Variants in MMP14 observed in about 807,000 individuals in gnomAD.
MMP14 encodes matrix metalloproteinase-14.
In MMP14, 13 loss-of-function variants were observed where a neutral mutation model predicts 64.8. The ratio of observed to expected loss-of-function variants is 0.20; its 90% CI spans 0.13 to 0.32. The LOEUF is 0.32. Among genes scored for constraint, MMP14 ranks in the 10% least tolerant of loss-of-function variants. MMP14 has a pLI of 1.00. For synonymous variants in MMP14, 322 were observed against 315.9 expected, an observed-to-expected ratio of 1.02 and a Z score of -0.20; for missense variants, 594 against 783.8, an observed-to-expected ratio of 0.76 and a Z score of 2.89.
rs766583270 is a variant in MMP14, at chr14:22,844,476, G to A, written c.1117G>A (p.Glu373Lys). The A allele has an allele frequency of 9.9e-6, 16 of 1,613,994 alleles. No homozygotes were observed. The highest frequency in any genetic ancestry group is 4.5e-5 in the East Asian group (2 of 44,882). ...GCCTGCGTCCATCAACACTGCCTAC[G>A]AGAGGAAGGATGGCAAATTCGTCTT... is the stretch of plus-strand genomic sequence containing the variant. ...GLPASINTAY[E>K]RKDGKFVFFK... Residue 373 changes from glutamate to lysine, a missense_variant, in exon 7 of 10, where the codon GAG becomes AAG. Transcript: ENST00000311852.
At chr14:22,839,328 C>T (rs535684255) in intron 1 of MMP14, among the ~76,000 whole-genome samples, 13 of 152,344 alleles carry the variant, frequency 8.5e-5, no homozygotes, top group Non-Finnish European at 1.8e-4. Flanking sequence ...TAGGCACAGG[C>T]CACAGCAGGC....
At chr14:22,844,095 G>C (rs2039793793) in intron 6 of MMP14, among the ~76,000 whole-genome samples, 1 of 152,082 alleles carries the variant, frequency 6.6e-6, no homozygotes, top group Non-Finnish European at 1.5e-5. Context: ...TACCTGGGAG[G>C]CTGAGGCAGG....
chr14:22,845,187 G>C, intron 8 of MMP14, 64 bp from the exon 9 acceptor site: 1 of 1,243,030 alleles, frequency 8.0e-7, no homozygotes, highest in South Asian at 1.2e-5. Flanking sequence ...GATTCGGTCC[G>C]GGTCTTGCGC....
chr14:22,839,749 C>T (rs1005507892), intron 1 of MMP14, among the ~76,000 whole-genome samples: 4 of 152,188 alleles, frequency 2.6e-5, no homozygotes, highest in African/African-American at 9.6e-5. Flanking sequence ...ATGTGGCAAT[C>T]CAATCCTGAT....
rs1176228823 is a variant in MMP14, at chr14:22,846,142, C to T, written c.*103C>T. 5 of 1,130,876 alleles carry T rather than the reference C, an allele frequency of 4.4e-6. No individual in the cohort carries two copies. Among genetic ancestry groups the T allele is most frequent in the East Asian group, 2.6e-5 (1 of 38,202 alleles). 70.1% of individuals were successfully genotyped at this position (1,130,876 alleles called of 1,614,324 possible). A position where few individuals can be genotyped will look rare whatever the true frequency, so the allele number is the denominator to read the frequency against. On this transcript the variant is annotated 3_prime_UTR_variant, in exon 10 of 10. Transcript: ENST00000311852. ...GGCTGTTCCCATCGTCCCGAGCCCCCTCCCCGCAGCCTCCTTGCTTCTCTC... is the reference window on the plus strand; with the variant it reads ...GGCTGTTCCCATCGTCCCGAGCCCCTTCCCCGCAGCCTCCTTGCTTCTCTC...
Position 22,846,015 on chromosome 14 carries a change from G to A in MMP14, c.1725G>A (p.Gln575=). 1 of 1,508,048 alleles carries A rather than the reference G, an allele frequency of 6.6e-7. No homozygotes were observed. The highest frequency in any genetic ancestry group is 8.9e-7 in the Non-Finnish European group (1 of 1,124,844). The allele number at this position is 1,508,048 out of a possible 1,614,324, so 93.4% of individuals were successfully genotyped here. Residue 575 remains glutamine (Q), a synonymous_variant, in exon 10 of 10, where the codon CAG becomes CAA. Transcript: ENST00000311852. ...HGTPRRLLYC[Q]RSLLDKV ...CCCCCAGGCGACTGCTCTACTGCCA[G>A]CGTTCCCTGCTGGACAAGGTCTGAC...
At position 22,843,724 on chromosome 14, in the gene MMP14, T is replaced by C. The variant is rs2039790380; in HGVS notation, c.865T>C (p.Phe289Leu). 2 of 1,590,034 alleles carry C rather than the reference T, an allele frequency of 1.3e-6. No homozygotes were observed. Among genetic ancestry groups the C allele is most frequent in the Non-Finnish European group, 1.7e-6 (2 of 1,173,588 alleles). Residue 289 changes from phenylalanine to leucine, a missense_variant, in exon 6 of 10, where the codon TTC becomes CTC. This residue lies in a region of MMP14 where 364 missense variants were observed against 425.2 expected (regional missense o/e 0.86). Transcript: ENST00000311852. This position sits in a 1 kb window ranked among gnomAD's most constrained non-coding sequence, Gnocchi z 4.8. Reference protein sequence around the residue: ...IQQLYGGESGFPTKMPPQPRT... With the variant: ...IQQLYGGESGLPTKMPPQPRT... ...TTCTGCCCCAGGGGGTGAGTCAGGG[T>C]TCCCCACCAAGATGCCCCCTCAACC...
chr14:22,843,949 A>G lies in MMP14; in HGVS notation c.1011+79A>G. On this transcript the variant is annotated intron_variant, in intron 6 of 9. Transcript: ENST00000311852. This position sits in a 1 kb window ranked among gnomAD's most constrained non-coding sequence, Gnocchi z 4.8. The stretch of plus-strand genomic sequence containing the variant: ...GGTGGCTCATGCCTGTAATCCTAGC[A>G]CTTTGAGAGGCCAAGGCAGGTGGAT... 1.9e-6 allele frequency: 3 copies of G among 1,554,150 alleles called. No homozygotes were observed. Among genetic ancestry groups the G allele is most frequent in the Non-Finnish European group, 2.6e-6 (3 of 1,151,834 alleles).
rs374911087 is a variant in MMP14, at chr14:22,845,843, C to T, written c.1553C>T (p.Thr518Ile). ...CPSGGRPDEG[T>I]EEETEVIIIE... ...TCGGGAGGCCGGCCGGATGAGGGGACTGAGGAGGAGACGGAGGTGATCATC... is the reference window on the plus strand; with the variant it reads ...TCGGGAGGCCGGCCGGATGAGGGGATTGAGGAGGAGACGGAGGTGATCATC... The change falls in exon 10 of 10, where the codon ACT (threonine) becomes ATT (isoleucine). Residue 518 changes from threonine to isoleucine, a missense_variant. By Grantham distance (89) the Thr-to-Ile change is moderately conservative (BLOSUM62 -1). Around this residue, in one of 4 missense-constraint regions of MMP14, gnomAD observed 364 missense variants for 425.2 expected, o/e 0.86. Transcript: ENST00000311852. The T allele has an allele frequency of 1.7e-5, 27 of 1,614,044 alleles. No homozygotes were observed. Among genetic ancestry groups the T allele is most frequent in the Non-Finnish European group, 2.1e-5 (25 of 1,180,046 alleles).
rs17885183 is a variant in MMP14 at position 22,836,774 on chromosome 14, G to C, written c.-44G>C. The C allele has an allele frequency of 3.1e-3, 4,094 of 1,336,282 alleles. 101 individuals are homozygous for C. The African/African-American group carries it at 0.054, about 18-fold the overall frequency. The allele number at this position is 1,336,282 out of a possible 1,614,324, so 82.8% of individuals were successfully genotyped here. On this transcript the variant is annotated 5_prime_UTR_variant, in exon 1 of 10. Transcript: ENST00000311852. The stretch of plus-strand genomic sequence containing the variant: ...GGTGCGACCCCAGGGCGTGGGCCCG[G>C]CCGCGGAGCCCACACTGCCCGGCTG...
chr14:22,846,310 T>C lies in MMP14; in HGVS notation c.*271T>C. On this transcript the variant is annotated 3_prime_UTR_variant, in exon 10 of 10. Transcript: ENST00000311852. ...GCCCCTCAGGGGAACCCTGTAGCTTTGTGTCTGTCCAGCCCCATCTGAATG... is the reference window on the plus strand; with the variant it reads ...GCCCCTCAGGGGAACCCTGTAGCTTCGTGTCTGTCCAGCCCCATCTGAATG... 1 of 481,048 alleles carries C rather than the reference T, an allele frequency of 2.1e-6. No individual in the cohort carries two copies. The allele number at this position is 481,048 out of a possible 1,614,324, so 29.8% of individuals were successfully genotyped here. A position where few individuals can be genotyped will look rare whatever the true frequency, so the allele number is the denominator to read the frequency against.
Position 22,844,386 on chromosome 14 carries a change from C to T in MMP14, c.1027C>T (p.Arg343Trp), listed in dbSNP as rs774971754. ...CGGCTTCCAGGAGCGCTGGTTCTGGCGGGTGAGGAATAACCAAGTGATGGA... is the reference window on the plus strand; with the variant it reads ...CGGCTTCCAGGAGCGCTGGTTCTGGTGGGTGAGGAATAACCAAGTGATGGA... ...MFVFKERWFW[R>W]VRNNQVMDGY... The change falls in exon 7 of 10, where the codon CGG becomes TGG. Residue 343 changes from arginine to tryptophan, a missense_variant. Transcript: ENST00000311852. 5.1e-5 allele frequency: 83 copies of T among 1,613,914 alleles called. No homozygotes were observed. The highest frequency in any genetic ancestry group is 6.9e-5 in the Non-Finnish European group (81 of 1,180,000).
intron 1 of MMP14, among the ~76,000 whole-genome samples, chr14:22,840,527 G>A (rs75366226): frequency 3.4e-5 from 4 of 118,074 alleles, no homozygotes; most frequent in African/African-American, 1.3e-4. Flanking sequence ...TTTTTTTTTT[G>A]AGACGGAGTC....
Position 22,844,967 on chromosome 14 carries a change from G to A in MMP14, c.1301+187G>A, listed in dbSNP as rs1036416759. Among the ~76,000 whole-genome samples the A allele has an allele frequency of 3.9e-5, 6 of 152,108 alleles. No homozygotes were observed. The East Asian group carries it at 5.8e-4, about 15-fold the overall frequency. On this transcript the variant is annotated intron_variant, in intron 8 of 9. Transcript: ENST00000311852. ...GCACCGTGTGAGTGGGATGTGACCG[G>A]GTCATTCCAGACCTGGTCATTTGGC...
rs371713859 is a variant in MMP14, at chr14:22,845,351, A to G, written c.1402A>G (p.Met468Val). The change falls in exon 9 of 10, where the codon ATG becomes GTG. Residue 468 changes from methionine (M) to valine (V), a missense_variant. Met to Val is a conservative substitution (Grantham distance 21). Coordinates refer to ENST00000311852, the MANE Select transcript of MMP14 (RefSeq NM_004995.4). ...CCCTGAGTCTCCCAGAGGGTCATTCATGGGCAGCGATGAAGGTGAGAGGGG... is the reference window on the plus strand; with the variant it reads ...CCCTGAGTCTCCCAGAGGGTCATTCGTGGGCAGCGATGAAGGTGAGAGGGG... ...GIPESPRGSFMGSDEVFTYFY... is the reference protein window; with the variant it reads ...GIPESPRGSFVGSDEVFTYFY... The G allele has an allele frequency of 6.2e-7, 1 of 1,608,100 alleles. No individual in the cohort carries two copies.
intron 8 of MMP14, 92 bp downstream of exon 8, chr14:22,844,872 C>T: frequency 6.6e-7 from 1 of 1,525,658 alleles, no homozygotes. Flanking sequence ...ACTTTACCCC[C>T]AACATGCTTC....
At chr14:22,844,012 A>G in intron 6 of MMP14, 142 bp downstream of exon 6, 2 of 1,086,454 alleles carry the variant, frequency 1.8e-6, no homozygotes, top group South Asian at 1.5e-5. Flanking sequence ...GCTGGCCAAC[A>G]TAGTGAAACC....
At chr14:22,845,093 C>A (rs1272739138) in intron 8 of MMP14, among the ~76,000 whole-genome samples, 158 bp from the exon 9 acceptor site, 1 of 152,184 alleles carries the variant, frequency 6.6e-6, no homozygotes. Context: ...TCCACCCCCA[C>A]CTTCCGCCGC....
chr14:22,845,491 G>A, intron 9 of MMP14, 125 bp downstream of exon 9: 2 of 863,138 alleles, frequency 2.3e-6, no homozygotes, highest in African/African-American at 1.7e-5. Context: ...CACATACCAG[G>A]CGCTGGGCTA....
Sources: allele counts gnomAD v4.1 joint callset (sites outside exome capture counted in the v4.1 genomes callset), GRCh38; gene constraint gnomAD v4.1.1; regional missense constraint gnomAD v4.1.1; non-coding constraint Gnocchi (gnomAD v3.1); transcripts MANE v1.5; gene names NCBI Gene and HGNC (gene_info 2026-07-23, HGNC 2026-07-21).